The following SCAPER variants were observed in gnomAD, a reference collection of about 807,000 sequenced individuals.
SCAPER encodes S-phase cyclin A associated protein in the ER.
A neutral mutation model predicts 182.2 loss-of-function variants in SCAPER; 98 were observed. That is an observed-to-expected ratio of 0.54 (90% CI 0.46 to 0.64). The LOEUF (loss-of-function observed/expected upper bound fraction) is 0.64. Ranked by LOEUF, SCAPER falls within the 30% of genes least tolerant of loss-of-function variation. The probability of loss-of-function intolerance (pLI) is 0.00; values close to 1 mark genes in which losing one functional copy is unlikely to be tolerated. For missense variants in SCAPER, 1,432 were observed against 1,690.0 expected, an observed-to-expected ratio of 0.85 and a Z score of 2.68; for synonymous variants, 605 against 564.6, an observed-to-expected ratio of 1.07 and a Z score of -1.01.
chr15:76,546,928 C>T (rs754306617), intron 23 of SCAPER, among the ~76,000 whole-genome samples: 9 of 151,980 alleles, frequency 5.9e-5, no homozygotes, highest in Non-Finnish European at 1.2e-4. Context: ...CAAACTTATC[C>T]CCTTCCTTTC....
chr15:76,673,021 C>T (rs1023299102), intron 20 of SCAPER, among the ~76,000 whole-genome samples: 6 of 151,978 alleles, frequency 3.9e-5, no homozygotes, highest in African/African-American at 1.4e-4. Flanking sequence ...TATCATCAGC[C>T]TTTTTGACAG....
At chr15:76,748,151 G>A (rs768819466) in intron 15 of SCAPER, among the ~76,000 whole-genome samples, 17 of 151,904 alleles carry the variant, frequency 1.1e-4, no homozygotes, top group African/African-American at 2.2e-4. Flanking sequence ...CCACCATGCC[G>A]CGCTAATTTT....
At chr15:76,503,880 ATT>A (rs1175762995) in intron 24 of SCAPER, among the ~76,000 whole-genome samples, 1 of 151,274 alleles carries the variant, frequency 6.6e-6, no homozygotes, top group Non-Finnish European at 1.5e-5. Flanking sequence ...CAAATGAAGC[ATT>A]TACTTTTTTT....
chr15:76,613,169 G>A (rs1393777225), intron 22 of SCAPER, among the ~76,000 whole-genome samples: 2 of 152,178 alleles, frequency 1.3e-5, no homozygotes, highest in African/African-American at 2.4e-5. Flanking sequence ...CAAGCAATGG[G>A]AAAAGGATTC....
chr15:76,826,409 T>C (rs1384558894), intron 5 of SCAPER, among the ~76,000 whole-genome samples: 2 of 97,146 alleles, frequency 2.1e-5, no homozygotes, highest in Non-Finnish European at 3.8e-5. Context: ...CTGAGGACTG[T>C]TGTGGGGTGG....
chr15:76,375,438 C>T (rs2042488477), intron 29 of SCAPER, among the ~76,000 whole-genome samples: 1 of 151,944 alleles, frequency 6.6e-6, no homozygotes, highest in East Asian at 1.9e-4. Flanking sequence ...GAGCCAAGAA[C>T]AGTTTCATAG....
intron 8 of SCAPER, among the ~76,000 whole-genome samples, chr15:76,782,785 G>T (rs1295223730): frequency 6.6e-6 from 1 of 151,976 alleles, no homozygotes; most frequent in East Asian, 1.9e-4. Context: ...ATGACTACTG[G>T]GTAAATAACG....
intron 26 of SCAPER, among the ~76,000 whole-genome samples, chr15:76,418,568 G>C (rs2045814251): frequency 6.6e-6 from 1 of 152,214 alleles, no homozygotes; most frequent in South Asian, 2.1e-4. Flanking sequence ...TCCTGCCCTG[G>C]GGGCCAGTAG....
intron 3 of SCAPER, among the ~76,000 whole-genome samples, chr15:76,860,146 T>C (rs1265846048): frequency 6.6e-6 from 1 of 152,220 alleles, no homozygotes; most frequent in Non-Finnish European, 1.5e-5. Context: ...CTTTCCTTTG[T>C]TTTTTGAATA....
chr15:76,765,254 C>T lies in SCAPER; in HGVS notation c.1613+83G>A. 4 of 1,163,496 alleles carry T rather than the reference C, an allele frequency of 3.4e-6. No individual in the cohort carries two copies. The South Asian group carries it at 4.5e-5, about 13-fold the overall frequency. 72.1% of individuals were successfully genotyped at this position (1,163,496 alleles called of 1,614,324 possible). On this transcript the variant is annotated intron_variant, in intron 13 of 31. Coordinates refer to ENST00000563290, the MANE Select transcript of SCAPER (RefSeq NM_020843.4). ...TCCTGAAGTAATGTGTCCAAAAATG[C>T]CACGTAGCAATTTTATTTAACAGTC...
intron 3 of SCAPER, among the ~76,000 whole-genome samples, chr15:76,860,938 T>C (rs377493402): frequency 1.2e-4 from 18 of 151,984 alleles, no homozygotes; most frequent in African/African-American, 1.7e-4. Context: ...ATTTGAAAAA[T>C]TGAGAAGAAT....
chr15:76,713,081 T>C (rs375022191), intron 17 of SCAPER, among the ~76,000 whole-genome samples: 4 of 152,226 alleles, frequency 2.6e-5, no homozygotes, highest in Non-Finnish European at 5.9e-5. Flanking sequence ...GGGTTTGTCA[T>C]AGATAGCTCT....
chr15:76,522,546 T>C (rs994573260), intron 23 of SCAPER, among the ~76,000 whole-genome samples: 3 of 152,200 alleles, frequency 2.0e-5, no homozygotes, highest in South Asian at 2.1e-4. Flanking sequence ...TGTACAGAGA[T>C]TGTTGAAATA....
chr15:76,507,993 C>A (rs1306017632), intron 23 of SCAPER, among the ~76,000 whole-genome samples: 1 of 152,092 alleles, frequency 6.6e-6, no homozygotes, highest in African/African-American at 2.4e-5. Context: ...TGCATGAAAA[C>A]AAATTGAACA....
chr15:76,627,955 T>C (rs1397742459), intron 21 of SCAPER, among the ~76,000 whole-genome samples: 2 of 152,174 alleles, frequency 1.3e-5, no homozygotes, highest in East Asian at 3.9e-4. Context: ...GCCTCTGTTG[T>C]TTCTTGACTT....
intron 23 of SCAPER, among the ~76,000 whole-genome samples, chr15:76,519,058 A>T (rs370585979): frequency 6.6e-6 from 1 of 152,218 alleles, no homozygotes; most frequent in East Asian, 1.9e-4. Flanking sequence ...ACGGCAAACA[A>T]AACTCAGAAG....
intron 27 of SCAPER, among the ~76,000 whole-genome samples, chr15:76,389,756 T>C (rs940893978): frequency 9.4e-5 from 13 of 138,326 alleles, no homozygotes; most frequent in African/African-American, 3.6e-4. Flanking sequence ...CGGTGGAGGC[T>C]GCAGGAGTGG....
chr15:76,745,269 G>A (rs776373344), intron 15 of SCAPER, among the ~76,000 whole-genome samples: 24 of 151,970 alleles, frequency 1.6e-4, no homozygotes, highest in African/African-American at 2.9e-4. Flanking sequence ...GTGAAACCTC[G>A]TCTCTACTAA....
chr15:76,796,824 C>T (rs1463666694), intron 7 of SCAPER, among the ~76,000 whole-genome samples: 1 of 152,150 alleles, frequency 6.6e-6, no homozygotes, highest in African/African-American at 2.4e-5. Context: ...TTCCCTACTC[C>T]ACTACGGTTC....
Sources: gnomAD v4.1 joint callset for allele counts (sites outside exome capture counted in the v4.1 genomes callset) on GRCh38, gnomAD v4.1.1 for gene constraint, MANE v1.5 for transcripts, NCBI Gene and HGNC (gene_info 2026-07-23, HGNC 2026-07-21) for gene names.